ROS1: variants seen among roughly 807,000 people sequenced by gnomAD.
The protein encoded by ROS1 is ROS proto-oncogene 1, receptor tyrosine kinase.
Under a neutral mutation model 273.5 loss-of-function variants are expected in ROS1, and 263 were observed. The observed-to-expected ratio is 0.96, with a 90% CI of 0.87 to 1.06. The LOEUF (loss-of-function observed/expected upper bound fraction) is 1.06. Ranked by LOEUF, ROS1 falls within the 50% of genes least tolerant of loss-of-function variation. The pLI is 0.00. For synonymous variants in ROS1, 1,008 were observed against 954.1 expected (o/e 1.06, Z -1.04); for missense variants, 2,833 against 2,751.1 (o/e 1.03, Z -0.67).
intron 6 of ROS1, 113 bp downstream of exon 6, chr6:117,404,167 G>A (rs2128725730): frequency 1.0e-6 from 1 of 963,028 alleles, no homozygotes; most frequent in Non-Finnish European, 1.6e-6. Flanking sequence ...CTTGCAGTAA[G>A]CTGAGATCGC....
chr6:117,304,081 T>C (rs897349343), intron 42 of ROS1, among the ~76,000 whole-genome samples: 2 of 152,202 alleles, frequency 1.3e-5, no homozygotes, highest in Non-Finnish European at 2.9e-5. Flanking sequence ...TGACTTCACA[T>C]GTATTACAAG....
chr6:117,405,039 T>A (rs1041131102), intron 5 of ROS1, among the ~76,000 whole-genome samples: 8 of 152,316 alleles, frequency 5.3e-5, no homozygotes, highest in African/African-American at 1.4e-4. Flanking sequence ...AGGGCTAGAT[T>A]TCTGAATGGT....
intron 1 of ROS1, among the ~76,000 whole-genome samples, chr6:117,424,372 A>G (rs991595962): frequency 6.6e-6 from 1 of 151,856 alleles, no homozygotes; most frequent in African/African-American, 2.4e-5. Context: ...AAAGATTACT[A>G]GGGCTAGAAT....
In ROS1 at chr6:117,337,255, T is replaced by C; in HGVS notation, c.5147A>G (p.Tyr1716Cys). The change falls in exon 32 of 44, where the codon TAT (tyrosine) becomes TGT (cysteine). Residue 1716 changes from tyrosine to cysteine, a missense_variant. Transcript: ENST00000368507. ...YVCNITNLQP[Y>C]TSYNVRVVVV... ...CACTACTCTGACATTATATGAAGTA[T>C]AAGGTTGTAGATTTGTGATATTACA... is the stretch of plus-strand genomic sequence containing the variant. The C allele has an allele frequency of 6.2e-7, 1 of 1,612,692 alleles. No individual in the cohort carries two copies. Among genetic ancestry groups the C allele is most frequent in the Non-Finnish European group, 8.5e-7 (1 of 1,179,100 alleles).
chr6:117,296,803 T>TA (rs1774279333), intron 43 of ROS1, among the ~76,000 whole-genome samples: 1 of 152,174 alleles, frequency 6.6e-6, no homozygotes, highest in African/African-American at 2.4e-5. Context: ...TAACTATAAG[T>TA]AAAAAATTGG....
chr6:117,408,563 A>C (rs1774623911), intron 5 of ROS1, among the ~76,000 whole-genome samples: 1 of 152,214 alleles, frequency 6.6e-6, no homozygotes, highest in Non-Finnish European at 1.5e-5. Context: ...GTCAGGACAC[A>C]ACAGGTGCTG....
intron 32 of ROS1, among the ~76,000 whole-genome samples, chr6:117,335,826 G>T (rs181240218): frequency 6.6e-6 from 1 of 152,230 alleles, no homozygotes; most frequent in African/African-American, 2.4e-5. Flanking sequence ...GCACACACCA[G>T]GGCCTGTTGA....
chr6:117,343,920 T>C (rs1778149661), intron 28 of ROS1, 140 bp downstream of exon 28: 2 of 658,992 alleles, frequency 3.0e-6, no homozygotes, highest in African/African-American at 3.6e-5. Flanking sequence ...ACACAATATG[T>C]TTTGATGAAT....
At chr6:117,366,001 A>T in intron 19 of ROS1, 75 bp downstream of exon 19, 1 of 1,303,144 alleles carries the variant, frequency 7.7e-7, no homozygotes, top group Non-Finnish European at 1.1e-6. Context: ...CTTAAGAAAA[A>T]AAAATATCCC....
intron 32 of ROS1, among the ~76,000 whole-genome samples, chr6:117,332,237 A>G (rs1411515572): frequency 6.6e-6 from 1 of 152,194 alleles, no homozygotes; most frequent in East Asian, 1.9e-4. Flanking sequence ...AAAGATCAAA[A>G]TAGACAAAGA....
chr6:117,360,276 A>ACACT (rs1006219089), intron 23 of ROS1, 66 bp downstream of exon 23: 27 of 966,880 alleles, frequency 2.8e-5, no homozygotes, highest in Non-Finnish European at 3.9e-5. Context: ...CCAATGGGAC[A>ACACT]CACACACACA....
Position 117,387,944 on chromosome 6 carries a change from T to C in ROS1, c.1835A>G (p.Gln612Arg). ...NWTYEVKVST[Q>R]DPPEVTHIFL... is the part of the protein sequence containing the mutation. ...AATATGAGTGACTTCAGGAGGGTCTTGGGTGGATACTTTCACCTCATAGGT... is the reference window on the plus strand; with the variant it reads ...AATATGAGTGACTTCAGGAGGGTCTCGGGTGGATACTTTCACCTCATAGGT... Residue 612 changes from glutamine to arginine, a missense_variant, in exon 14 of 44, where the codon CAA (glutamine) becomes CGA (arginine). By Grantham distance (43) the Gln-to-Arg change is conservative. Coordinates refer to ENST00000368507, the MANE Select transcript of ROS1 (RefSeq NM_001378902.1). 6.2e-7 allele frequency: 1 copy of C among 1,614,186 alleles called. No individual in the cohort carries two copies. Among genetic ancestry groups the C allele is most frequent in the Non-Finnish European group, 8.5e-7 (1 of 1,180,014 alleles).
At chr6:117,350,689 T>TC (rs1778763007) in intron 27 of ROS1, among the ~76,000 whole-genome samples, 1 of 120,850 alleles carries the variant, frequency 8.3e-6, no homozygotes, top group African/African-American at 2.6e-5. Context: ...TTTTTTTCCT[T>TC]TTTTTTTTTT....
intron 18 of ROS1, among the ~76,000 whole-genome samples, chr6:117,374,401 G>A (rs140093480): frequency 6.6e-6 from 1 of 152,224 alleles, no homozygotes; most frequent in East Asian, 1.9e-4. Flanking sequence ...AACAAATGGT[G>A]CTGGGATAAT....
chr6:117,365,328 G>T, intron 20 of ROS1, 124 bp from the exon 21 acceptor site: 2 of 1,014,066 alleles, frequency 2.0e-6, no homozygotes, highest in Non-Finnish European at 2.8e-6. Context: ...TTTTGGAAGT[G>T]CTAATTTTGG....
At chr6:117,386,089 T>C (rs531063152) in intron 15 of ROS1, among the ~76,000 whole-genome samples, 2 of 152,324 alleles carry the variant, frequency 1.3e-5, no homozygotes, top group Non-Finnish European at 2.9e-5. Flanking sequence ...TTGCCAAACA[T>C]TGTCCCAGGC....
chr6:117,425,916 T>A lies in ROS1; in HGVS notation c.-260A>T. The A allele has an allele frequency of 2.5e-6, 1 of 402,558 alleles. No individual in the cohort carries two copies. Among genetic ancestry groups the A allele is most frequent in the South Asian group, 2.7e-5 (1 of 36,568 alleles). 24.9% of individuals were successfully genotyped at this position (402,558 alleles called of 1,614,324 possible). ...CTTTTACTCCCATAAAGTCACCCAG[T>A]GACTAAAGGTTAGTTCTTAGAAGTG... On this transcript the variant is annotated 5_prime_UTR_variant, in exon 1 of 44. Transcript: ENST00000368507.
At chr6:117,333,060 G>A (rs898713059) in intron 32 of ROS1, among the ~76,000 whole-genome samples, 41 of 151,110 alleles carry the variant, frequency 2.7e-4, no homozygotes, top group African/African-American at 9.2e-4. Flanking sequence ...TCCAGGAGCC[G>A]TTTTTTTTAA....
At chr6:117,303,938 A>T (rs1774922090) in intron 42 of ROS1, among the ~76,000 whole-genome samples, 1 of 152,186 alleles carries the variant, frequency 6.6e-6, no homozygotes, top group Non-Finnish European at 1.5e-5. Context: ...ATTCCATTAT[A>T]ATATGGCATA....
Sources: gnomAD v4.1 joint callset for allele counts (sites outside exome capture counted in the v4.1 genomes callset) on GRCh38, gnomAD v4.1.1 for gene constraint, MANE v1.5 for transcripts, NCBI Gene and HGNC (gene_info 2026-07-23, HGNC 2026-07-21) for gene names.